Variants in AAK1 observed in about 807,000 individuals in gnomAD.
The protein encoded by AAK1 is AP2 associated kinase 1, also known as AP2-associated protein kinase 1.
Under a neutral mutation model 116.0 loss-of-function variants are expected in AAK1, and 37 were observed. The ratio of observed to expected loss-of-function variants is 0.32; its 90% CI spans 0.25 to 0.42. The LOEUF (loss-of-function observed/expected upper bound fraction) is 0.42. Ranked by LOEUF, AAK1 falls within the 10% of genes least tolerant of loss-of-function variation. The pLI is 1.00. For missense variants in AAK1, 919 were observed against 1,170.6 expected (o/e 0.79, Z 3.14); for synonymous variants, 458 against 439.9 (o/e 1.04, Z -0.51).
chr2:69,517,778 CAAA>C (rs899762249), intron 12 of AAK1, among the ~76,000 whole-genome samples: 13 of 57,516 alleles, frequency 2.3e-4, no homozygotes, highest in Non-Finnish European at 3.1e-4. Context: ...TGACAAAAAG[CAAA>C]AAAAAAAAAA....
At chr2:69,549,405 G>A (rs368179923) in intron 3 of AAK1, among the ~76,000 whole-genome samples, 1 of 152,048 alleles carries the variant, frequency 6.6e-6, no homozygotes, top group Non-Finnish European at 1.5e-5. Flanking sequence ...ATAATAAACA[G>A]GTGAAATAGC....
intron 16 of AAK1, among the ~76,000 whole-genome samples, chr2:69,496,976 T>A (rs1228603835): frequency 6.6e-6 from 1 of 152,112 alleles, no homozygotes; most frequent in Non-Finnish European, 1.5e-5. Flanking sequence ...AAATATAGAT[T>A]TACAGAACTC....
At chr2:69,527,480 G>C (rs982621753) in intron 8 of AAK1, among the ~76,000 whole-genome samples, 161 bp from the exon 9 acceptor site, 4 of 152,124 alleles carry the variant, frequency 2.6e-5, no homozygotes, top group African/African-American at 7.2e-5. Context: ...CTTAGAAAGA[G>C]AAGCTCTAAT....
intron 2 of AAK1, among the ~76,000 whole-genome samples, chr2:69,587,147 T>C (rs1256959988): frequency 6.7e-6 from 1 of 150,008 alleles, no homozygotes; most frequent in Non-Finnish European, 1.5e-5. Context: ...TACGATGGCA[T>C]GCTGACAGCT....
At chr2:69,567,002 C>A (rs539238053) in intron 2 of AAK1, among the ~76,000 whole-genome samples, 4 of 152,328 alleles carry the variant, frequency 2.6e-5, no homozygotes, top group African/African-American at 9.6e-5. Flanking sequence ...CTTCTCACCC[C>A]TCTTAGAATA....
At chr2:69,513,544 C>T (rs1160479403) in intron 13 of AAK1, among the ~76,000 whole-genome samples, 4 of 152,092 alleles carry the variant, frequency 2.6e-5, no homozygotes, top group South Asian at 2.1e-4. Context: ...AGGATGGTCT[C>T]GATCTCCTGA....
At chr2:69,598,980 G>A (rs982465197) in intron 2 of AAK1, 3 of 414,726 alleles carry the variant, frequency 7.2e-6, no homozygotes, top group Non-Finnish European at 1.5e-5. Context: ...AAAGCCTAGA[G>A]AAGGACATGA....
chr2:69,542,961 G>A (rs925439467), intron 4 of AAK1, among the ~76,000 whole-genome samples: 5 of 152,216 alleles, frequency 3.3e-5, no homozygotes, highest in South Asian at 2.1e-4. Context: ...ATATGGTCCT[G>A]CTTTAGTTGC....
Position 69,475,091 on chromosome 2 carries a change from C to T in AAK1, c.*778G>A. 1 of 984,956 alleles carries T rather than the reference C, an allele frequency of 1.0e-6. No individual in the cohort carries two copies. The highest frequency in any genetic ancestry group is 1.2e-6 in the Non-Finnish European group (1 of 829,852). The allele number at this position is 984,956 out of a possible 1,614,324, so 61.0% of individuals were successfully genotyped here. ...GTTAACATGAAAAGGAATGGCAATACTTGGGATTTATATAACGTACACATT... is the reference window on the plus strand; with the variant it reads ...GTTAACATGAAAAGGAATGGCAATATTTGGGATTTATATAACGTACACATT... On this transcript the variant is annotated 3_prime_UTR_variant, in exon 22 of 22. Coordinates refer to ENST00000409085, the MANE Select transcript of AAK1 (RefSeq NM_014911.5).
In AAK1 at chr2:69,465,205, TAAACAAAC is replaced by T. The variant is rs370793568; in HGVS notation, c.*10656_*10663del. ...ATGCCTCCAAGTCCAGAAATCAATATAAACAAACAAACAAACAAACAAAAATGAACATA... is the reference window on the plus strand; with the variant it reads ...ATGCCTCCAAGTCCAGAAATCAATATAAACAAACAAACAAAAATGAACATA... On this transcript the variant is annotated 3_prime_UTR_variant, in exon 22 of 22. Coordinates refer to ENST00000409085, the MANE Select transcript of AAK1 (RefSeq NM_014911.5). The T allele has an allele frequency of 3.2e-5, 11 of 340,020 alleles. No homozygotes were observed. Among genetic ancestry groups the T allele is most frequent in the African/African-American group, 4.3e-5 (2 of 46,024 alleles). The allele number at this position is 340,020 out of a possible 1,614,324, so 21.1% of individuals were successfully genotyped here. A position where few individuals can be genotyped will look rare whatever the true frequency, so the allele number is the denominator to read the frequency against.
At chr2:69,607,046 CAAAA>C (rs61156108) in intron 2 of AAK1, among the ~76,000 whole-genome samples, 51 of 68,860 alleles carry the variant, frequency 7.4e-4, no homozygotes, top group East Asian at 5.6e-3. Flanking sequence ...AGTCTTGCCT[CAAAA>C]AAAAAAAAAA....
chr2:69,499,057 C>T (rs1558912145), intron 16 of AAK1, among the ~76,000 whole-genome samples: 1 of 152,208 alleles, frequency 6.6e-6, no homozygotes, highest in African/African-American at 2.4e-5. Flanking sequence ...CCGGTCAGCC[C>T]CAGTGTGCCA....
intron 12 of AAK1, among the ~76,000 whole-genome samples, chr2:69,516,224 CTG>C (rs1286404254): frequency 4.0e-5 from 6 of 151,674 alleles, no homozygotes; most frequent in African/African-American, 1.5e-4. Context: ...AAATCTTAAA[CTG>C]TTTTCAGTAA....
At chr2:69,570,646 T>A (rs1672057509) in intron 2 of AAK1, among the ~76,000 whole-genome samples, 1 of 152,086 alleles carries the variant, frequency 6.6e-6, no homozygotes, top group African/African-American at 2.4e-5. Context: ...AAGGAGAGCT[T>A]CTTATTTATC....
At chr2:69,501,463 G>A (rs1675976864) in intron 16 of AAK1, among the ~76,000 whole-genome samples, 1 of 151,852 alleles carries the variant, frequency 6.6e-6, no homozygotes, top group Non-Finnish European at 1.5e-5. Context: ...GTTGAAGCGA[G>A]GCAACTGGAG....
chr2:69,550,992 A>G (rs1011725915), intron 3 of AAK1, among the ~76,000 whole-genome samples: 9 of 151,662 alleles, frequency 5.9e-5, no homozygotes, highest in Admixed American at 2.0e-4. Context: ...TCCTACTCCA[A>G]TCCCCATCCC....
At chr2:69,631,407 T>C (rs1675168742) in intron 2 of AAK1, among the ~76,000 whole-genome samples, 1 of 152,238 alleles carries the variant, frequency 6.6e-6, no homozygotes, top group South Asian at 2.1e-4. Flanking sequence ...CTAGCATCAA[T>C]GCTATGCTTA....
At chr2:69,614,147 CA>C (rs1279084788) in intron 2 of AAK1, among the ~76,000 whole-genome samples, 1 of 152,172 alleles carries the variant, frequency 6.6e-6, no homozygotes, top group Non-Finnish European at 1.5e-5. Context: ...GCTCAGAAGA[CA>C]AGCAACAAAG....
chr2:69,550,621 T>G (rs953107624), intron 3 of AAK1, among the ~76,000 whole-genome samples: 3 of 151,784 alleles, frequency 2.0e-5, no homozygotes, highest in Non-Finnish European at 4.4e-5. Context: ...TTTAAAATTT[T>G]TATTTATTTA....
Sources: gnomAD v4.1 joint callset for allele counts (sites outside exome capture counted in the v4.1 genomes callset) on GRCh38, gnomAD v4.1.1 for gene constraint, MANE v1.5 for transcripts, NCBI Gene and HGNC (gene_info 2026-07-23, HGNC 2026-07-21) for gene names.